Variants in PCDHA6 observed in about 807,000 individuals in gnomAD.
PCDHA6 encodes the protein protocadherin alpha 6, also known as protocadherin alpha-6.
A neutral mutation model predicts 60.3 loss-of-function variants in PCDHA6; 55 were observed. The observed-to-expected ratio is 0.91, with a 90% CI of 0.73 to 1.14. The LOEUF (loss-of-function observed/expected upper bound fraction) is 1.14, where lower values mean the gene tolerates loss of function less well. Among genes scored for constraint, PCDHA6 ranks in the 50% most tolerant of loss-of-function variants. The pLI is 0.00. For missense variants in PCDHA6, 1,327 were observed against 1,256.5 expected, an observed-to-expected ratio of 1.06 and a Z score of -0.85; for synonymous variants, 652 against 557.9, an observed-to-expected ratio of 1.17 and a Z score of -2.38.
In PCDHA6 at chr5:140,848,545, C is replaced by T. The variant is rs2150412582; in HGVS notation, c.2394+18060C>T. On this transcript the variant is annotated intron_variant, in intron 1 of 3. Transcript: ENST00000529310. ...CCAGAGGGTCAGCCTCTACTGCTCT[C>T]GCTTCTGATCCTCGCAATGTGGGTG... is the stretch of plus-strand genomic sequence containing the variant. The T allele has an allele frequency of 7.5e-6, 12 of 1,595,324 alleles. No homozygotes were observed. In the South Asian group the frequency reaches 1.1e-4, roughly 15 times the overall value.
intron 1 of PCDHA6, among the ~76,000 whole-genome samples, chr5:140,918,162 A>G (rs1344100803): frequency 1.3e-5 from 2 of 152,122 alleles, no homozygotes; most frequent in Non-Finnish European, 2.9e-5. Context: ...TCTATTGTAA[A>G]TGGCATTGTG....
Position 140,876,608 on chromosome 5 carries a change from C to T in PCDHA6, c.2394+46123C>T, listed in dbSNP as rs1267902187. On this transcript the variant is annotated intron_variant, in intron 1 of 3. Transcript: ENST00000529310. ...CTGATTAGCGTGTCGGATCGTGACT[C>T]TGGAGCCAATGGACAGGTCATCTGC... The T allele has an allele frequency of 5.0e-6, 8 of 1,614,070 alleles. No individual in the cohort carries two copies. The highest frequency in any genetic ancestry group is 5.9e-6 in the Non-Finnish European group (7 of 1,180,040).
At chr5:140,871,082 C>G in intron 1 of PCDHA6, 1 of 1,613,246 alleles carries the variant, frequency 6.2e-7, no homozygotes, top group South Asian at 1.1e-5. Context: ...GCGCTGACGG[C>G]CACGGCCACC....
chr5:140,940,643 T>A (rs2092660320), intron 1 of PCDHA6, among the ~76,000 whole-genome samples: 1 of 152,226 alleles, frequency 6.6e-6, no homozygotes, highest in Non-Finnish European at 1.5e-5. Flanking sequence ...TGTCATTTAT[T>A]TATTTAAATA....
At chr5:140,835,062 C>G in intron 1 of PCDHA6, 2 of 1,216,122 alleles carry the variant, frequency 1.6e-6, no homozygotes, top group South Asian at 1.5e-5. Context: ...TGGCACCGTT[C>G]AATTACTCAT....
chr5:140,882,566 G>A, intron 1 of PCDHA6: 1 of 1,614,252 alleles, frequency 6.2e-7, no homozygotes, highest in Non-Finnish European at 8.5e-7. Context: ...TGGGCGGAGC[G>A]CGGAGTGCAG....
intron 1 of PCDHA6, chr5:140,884,153 G>T: frequency 6.2e-7 from 1 of 1,613,470 alleles, no homozygotes; most frequent in Non-Finnish European, 8.5e-7. Flanking sequence ...GCTGTACACT[G>T]GCGAGATCAG....
chr5:140,915,744 G>A (rs2077291791), intron 1 of PCDHA6, among the ~76,000 whole-genome samples: 1 of 151,896 alleles, frequency 6.6e-6, no homozygotes, highest in South Asian at 2.1e-4. Flanking sequence ...CAGACCTATA[G>A]CCAGCACAGC....
chr5:140,842,503 C>A, intron 1 of PCDHA6: 1 of 1,613,836 alleles, frequency 6.2e-7, no homozygotes. Context: ...CCCATGTCCC[C>A]TTCAAGCTGG....
At chr5:140,871,305 G>T in intron 1 of PCDHA6, 14 of 1,613,992 alleles carry the variant, frequency 8.7e-6, no homozygotes, top group Non-Finnish European at 1.1e-5. Context: ...GCGCGCCGGG[G>T]AAGCCCACGC....
chr5:140,892,516 C>T (rs1308217040), intron 1 of PCDHA6, among the ~76,000 whole-genome samples: 1 of 152,222 alleles, frequency 6.6e-6, no homozygotes, highest in East Asian at 1.9e-4. Context: ...TCCACCATGA[C>T]TGGTAGACTC....
At chr5:140,977,955 C>T (rs1280190913) in intron 1 of PCDHA6, among the ~76,000 whole-genome samples, 1 of 152,170 alleles carries the variant, frequency 6.6e-6, no homozygotes, top group African/African-American at 2.4e-5. Context: ...GACAGGGCCA[C>T]CTCAATCTCC....
intron 1 of PCDHA6, among the ~76,000 whole-genome samples, chr5:140,890,243 A>G (rs782339518): frequency 6.6e-6 from 1 of 152,130 alleles, no homozygotes; most frequent in Non-Finnish European, 1.5e-5. Context: ...ATTTACCAGT[A>G]CACTACTGCA....
At chr5:140,884,483 C>T (rs376374275) in intron 1 of PCDHA6, 3 of 1,613,862 alleles carry the variant, frequency 1.9e-6, no homozygotes, top group East Asian at 4.5e-5. Flanking sequence ...CAAGCCCACT[C>T]TAGTGTGCTC....
intron 2 of PCDHA6, among the ~76,000 whole-genome samples, chr5:140,981,053 A>T (rs1422870263): frequency 6.6e-6 from 1 of 152,206 alleles, no homozygotes; most frequent in Non-Finnish European, 1.5e-5. Flanking sequence ...AGATAATTCT[A>T]GAGTGTAGAC....
At chr5:140,853,405 G>A (rs2042737613) in intron 1 of PCDHA6, 1 of 986,340 alleles carries the variant, frequency 1.0e-6, no homozygotes, top group Non-Finnish European at 1.2e-6. Flanking sequence ...GTTCAAAACA[G>A]AGAGGTGAAA....
chr5:141,003,457 G>A (rs769049189), intron 3 of PCDHA6, among the ~76,000 whole-genome samples: 1 of 152,136 alleles, frequency 6.6e-6, no homozygotes, highest in Non-Finnish European at 1.5e-5. Flanking sequence ...AATTACAGGC[G>A]TGCACCACCA....
intron 1 of PCDHA6, chr5:140,830,967 T>C (rs1771307756): frequency 6.6e-6 from 1 of 152,346 alleles, no homozygotes; most frequent in Non-Finnish European, 1.5e-5. Flanking sequence ...TTTTATCCAT[T>C]TTGTGTAAGA....
intron 3 of PCDHA6, among the ~76,000 whole-genome samples, chr5:140,982,798 T>C (rs1310396823): frequency 2.0e-5 from 3 of 151,768 alleles, no homozygotes; most frequent in African/African-American, 7.3e-5. Flanking sequence ...TGTGTGCATG[T>C]GTGTGTGTGT....
Sources: gnomAD v4.1 joint callset for allele counts (sites outside exome capture counted in the v4.1 genomes callset) on GRCh38, gnomAD v4.1.1 for gene constraint, MANE v1.5 for transcripts, NCBI Gene and HGNC (gene_info 2026-07-23, HGNC 2026-07-21) for gene names.